LPCAT3: variants seen among roughly 807,000 people sequenced by gnomAD.
LPCAT3 encodes the protein lysophosphatidylcholine acyltransferase 3.
A neutral mutation model predicts 63.4 loss-of-function variants in LPCAT3; 21 were observed. The observed-to-expected ratio is 0.33, with a 90% CI of 0.23 to 0.48. The LOEUF (loss-of-function observed/expected upper bound fraction) is 0.48. Ranked by LOEUF, LPCAT3 falls within the 20% of genes least tolerant of loss-of-function variation. The probability of loss-of-function intolerance (pLI) is 0.99; values close to 1 mark genes in which losing one functional copy is unlikely to be tolerated. For synonymous variants in LPCAT3, 242 were observed against 227.5 expected (o/e 1.06, Z -0.58); for missense variants, 451 against 590.6 (o/e 0.76, Z 2.45).
intron 1 of LPCAT3, among the ~76,000 whole-genome samples, chr12:6,995,191 C>T (rs954839879): frequency 2.7e-5 from 4 of 150,484 alleles, no homozygotes; most frequent in Admixed American, 6.6e-5. Flanking sequence ...GTGTGTTTTC[C>T]TGCCAGGGCA....
chr12:6,981,676 A>G (rs1946472657), intron 4 of LPCAT3, 44 bp from the exon 5 acceptor site: 1 of 1,487,510 alleles, frequency 6.7e-7, no homozygotes, highest in East Asian at 2.8e-5. Context: ...GGGAGAGGAC[A>G]CTGAGGATGT....
rs1487802280 is a variant in LPCAT3, at chr12:7,002,063, T to C, written c.151+16211A>G. On this transcript the variant is annotated intron_variant, in intron 1 of 12. Transcript: ENST00000261407. Reference sequence around the variant, plus strand: ...CTGTAGAAGCAATCTAGCACAGCTGTTTCTCACTTGGGAAAACTGAAGCCC... The same window carrying C: ...CTGTAGAAGCAATCTAGCACAGCTGCTTCTCACTTGGGAAAACTGAAGCCC... 4.6e-5 allele frequency among the ~76,000 whole-genome samples: 7 copies of C among 152,210 alleles called. No individual in the cohort carries two copies. The East Asian group carries it at 1.4e-3, about 29-fold the overall frequency.
chr12:6,988,051 A>T, intron 1 of LPCAT3: 1 of 191,860 alleles, frequency 5.2e-6, no homozygotes. Flanking sequence ...TTAAAGGTGT[A>T]AAAAAAAAAA....
chr12:6,996,900 G>A (rs1946640838), intron 1 of LPCAT3, among the ~76,000 whole-genome samples: 2 of 152,170 alleles, frequency 1.3e-5, no homozygotes, highest in Non-Finnish European at 2.9e-5. Context: ...GTAGGAAGGA[G>A]CATGGGGCAT....
Position 6,983,395 on chromosome 12 carries a change from ACTAATTGCGGTGTCACTG to A in LPCAT3, c.259+19_259+36del. Reference sequence around the variant, plus strand: ...TCAAGTCTGTTCCTTCCAGGTTCCCACTAATTGCGGTGTCACTGCTAATTTAGTTTACTCACCAAAGTT... The same window carrying A: ...TCAAGTCTGTTCCTTCCAGGTTCCCACTAATTTAGTTTACTCACCAAAGTT... On this transcript the variant is annotated intron_variant, in intron 2 of 12. Coordinates refer to ENST00000261407, the MANE Select transcript of LPCAT3 (RefSeq NM_005768.6). 1 of 1,390,282 alleles carries A rather than the reference ACTAATTGCGGTGTCACTG, an allele frequency of 7.2e-7. No homozygotes were observed. 86.1% of individuals were successfully genotyped at this position (1,390,282 alleles called of 1,614,324 possible).
intron 6 of LPCAT3, 83 bp from the exon 7 acceptor site, chr12:6,979,662 G>T: frequency 1.1e-6 from 1 of 900,880 alleles, no homozygotes; most frequent in Non-Finnish European, 1.8e-6. Context: ...ATGGAGAGGA[G>T]TGTTTAGGGG....
chr12:6,978,227 G>A (rs1810491127), intron 9 of LPCAT3, 114 bp downstream of exon 9: 1 of 1,263,794 alleles, frequency 7.9e-7, no homozygotes, highest in Non-Finnish European at 1.1e-6. Context: ...GCGACAGGGG[G>A]TTCTGCCCAG....
At chr12:6,992,813 G>A (rs1011103395) in intron 1 of LPCAT3, among the ~76,000 whole-genome samples, 3 of 152,016 alleles carry the variant, frequency 2.0e-5, no homozygotes, top group Admixed American at 2.0e-4. Flanking sequence ...TCTAGTACTC[G>A]CAGCAGACAC....
chr12:6,978,807 A>G, intron 7 of LPCAT3, 118 bp from the exon 8 acceptor site: 1 of 1,450,722 alleles, frequency 6.9e-7, no homozygotes, highest in East Asian at 2.5e-5. Flanking sequence ...TCCTGCTGCC[A>G]GATGCCCTCA....
intron 1 of LPCAT3, among the ~76,000 whole-genome samples, chr12:7,003,651 G>A (rs1946705335): frequency 1.3e-5 from 2 of 151,896 alleles, no homozygotes; most frequent in African/African-American, 2.4e-5. Flanking sequence ...GGCCGGGCGC[G>A]GTGGCTCACG....
At chr12:6,988,368 A>G (rs1946549458) in intron 1 of LPCAT3, 1 of 152,296 alleles carries the variant, frequency 6.6e-6, no homozygotes, top group Non-Finnish European at 1.5e-5. Flanking sequence ...AACTGTGCTG[A>G]GGTGAGTTGC....
chr12:7,018,409 C>T lies in LPCAT3; in HGVS notation c.16G>A (p.Glu6Lys), dbSNP rs1555157802. Residue 6 changes from glutamate to lysine, a missense_variant, in exon 1 of 13, where the codon GAG (glutamate) becomes AAG (lysine). By Grantham distance (56) the Glu-to-Lys change is moderately conservative. Transcript: ENST00000261407. The surrounding 1 kb of genome is among the most constrained non-coding windows in gnomAD (Gnocchi z 4.9). Reference protein sequence around the residue: MASSAEGDEGTVVALA... With the variant: MASSAKGDEGTVVALA... ...GCCACCACAGTCCCCTCGTCCCCCT[C>T]CGCTGAGGACGCCATCTTAACTCCG... 2 of 1,607,718 alleles carry T rather than the reference C, an allele frequency of 1.2e-6. No individual in the cohort carries two copies. Among genetic ancestry groups the T allele is most frequent in the South Asian group, 1.1e-5 (1 of 90,148 alleles).
At chr12:6,989,096 C>A (rs1361748847) in intron 1 of LPCAT3, among the ~76,000 whole-genome samples, 1 of 151,310 alleles carries the variant, frequency 6.6e-6, no homozygotes, top group Non-Finnish European at 1.5e-5. Context: ...GCACTCCAGC[C>A]TGGCAACAAG....
Position 6,981,579 on chromosome 12 carries a change from A to G in LPCAT3, c.498+16T>C, listed in dbSNP as rs782662014. On this transcript the variant is annotated intron_variant, in intron 5 of 12. Transcript: ENST00000261407. ...CATTAAGTCTTGAACCTCTCTGCCG[A>G]TGAATGGGTACTTACCTGATCTTTC... The G allele has an allele frequency of 4.3e-6, 7 of 1,613,738 alleles. No individual in the cohort carries two copies. In the East Asian group the frequency reaches 1.3e-4, roughly 31 times the overall value.
chr12:6,978,190 T>C, intron 9 of LPCAT3, 151 bp downstream of exon 9: 1 of 769,430 alleles, frequency 1.3e-6, no homozygotes, highest in Non-Finnish European at 2.0e-6. Context: ...GGGAGGGGGG[T>C]ATAGGTGGGG....
chr12:6,989,474 C>A (rs937630032), intron 1 of LPCAT3, among the ~76,000 whole-genome samples: 1 of 151,980 alleles, frequency 6.6e-6, no homozygotes, highest in African/African-American at 2.4e-5. Context: ...TCACGCCCAG[C>A]TAATTTTTTG....
At chr12:6,981,721 C>T (rs1339379125) in intron 4 of LPCAT3, 89 bp from the exon 5 acceptor site, 98 of 147,272 alleles carry the variant, frequency 6.7e-4, no homozygotes, top group Middle Eastern at 6.5e-4. Context: ...AAGTGTATGG[C>T]GGGGGGCGGA....
intron 1 of LPCAT3, chr12:7,001,571 C>T (rs1946687969): frequency 4.4e-6 from 2 of 452,324 alleles, no homozygotes; most frequent in South Asian, 3.1e-5. Flanking sequence ...TGGTAGGATC[C>T]TGGCTGTGAG....
rs188746146 is a variant in LPCAT3 at position 6,995,185 on chromosome 12, G to A, written c.152-11646C>T. Among the ~76,000 whole-genome samples, 232 of 149,724 alleles carry A rather than the reference G, an allele frequency of 1.5e-3. 2 individuals are homozygous for A. The highest frequency in any genetic ancestry group is 5.5e-3 in the African/African-American group (225 of 40,672). On this transcript the variant is annotated intron_variant, in intron 1 of 12. Transcript: ENST00000261407. ...CAGGTCACACAACATTCAAAAGTGT[G>A]TTTTCCTGCCAGGGCATGGTGGCTC...
Sources: gnomAD v4.1 joint callset for allele counts (sites outside exome capture counted in the v4.1 genomes callset) on GRCh38, gnomAD v4.1.1 for gene constraint, Gnocchi (gnomAD v3.1) non-coding constraint, MANE v1.5 for transcripts, NCBI Gene and HGNC (gene_info 2026-07-23, HGNC 2026-07-21) for gene names.